The following ERBB4 variants were observed in gnomAD, a reference collection of about 807,000 sequenced individuals.
ERBB4 encodes receptor tyrosine-protein kinase erbB-4.
In ERBB4, 42 loss-of-function variants were observed where a neutral mutation model predicts 158.0. The ratio of observed to expected loss-of-function variants is 0.27; its 90% CI spans 0.21 to 0.34. ERBB4 has a LOEUF of 0.34. Among genes scored for constraint, ERBB4 ranks in the 10% least tolerant of loss-of-function variants. The pLI is 1.00. For synonymous variants in ERBB4, 583 were observed against 558.7 expected, an observed-to-expected ratio of 1.04 and a Z score of -0.61; for missense variants, 1,333 against 1,624.1, an observed-to-expected ratio of 0.82 and a Z score of 3.08.
chr2:212,093,048 T>G (rs1044656221), intron 2 of ERBB4, among the ~76,000 whole-genome samples: 2 of 152,210 alleles, frequency 1.3e-5, no homozygotes, highest in Non-Finnish European at 2.9e-5. Flanking sequence ...CTCAGTTTGC[T>G]TAACTACCAA....
intron 1 of ERBB4, among the ~76,000 whole-genome samples, chr2:212,299,348 G>A (rs1362002213): frequency 6.6e-6 from 1 of 151,586 alleles, no homozygotes; most frequent in African/African-American, 2.4e-5. Context: ...TTTGAAGAAT[G>A]CAATGATTAT....
chr2:211,474,387 A>C (rs771581965), intron 20 of ERBB4, among the ~76,000 whole-genome samples: 2 of 152,082 alleles, frequency 1.3e-5, no homozygotes, highest in Non-Finnish European at 2.9e-5. Context: ...ATTTTATTAG[A>C]ATCACATTAA....
intron 2 of ERBB4, among the ~76,000 whole-genome samples, chr2:212,053,934 T>C (rs528830994): frequency 1.3e-5 from 2 of 152,296 alleles, no homozygotes; most frequent in Admixed American, 1.3e-4. Flanking sequence ...TATAAAATTG[T>C]TTATTAAAAG....
chr2:212,445,574 G>A (rs2105995087), intron 1 of ERBB4, among the ~76,000 whole-genome samples: 1 of 152,298 alleles, frequency 6.6e-6, no homozygotes, highest in South Asian at 2.1e-4. Context: ...CTATCAAGAT[G>A]AAATCAGACT....
chr2:212,113,187 A>C (rs2079467380), intron 2 of ERBB4, among the ~76,000 whole-genome samples: 1 of 152,184 alleles, frequency 6.6e-6, no homozygotes, highest in African/African-American at 2.4e-5. Flanking sequence ...AAGTTAGTAG[A>C]GACTGTATGA....
intron 1 of ERBB4, among the ~76,000 whole-genome samples, chr2:212,499,829 A>G (rs1369693672): frequency 6.6e-6 from 1 of 152,068 alleles, no homozygotes; most frequent in Non-Finnish European, 1.5e-5. Context: ...AAATATTCAG[A>G]GGATAACTGC....
intron 1 of ERBB4, among the ~76,000 whole-genome samples, chr2:212,177,172 T>C (rs2081693583): frequency 6.6e-6 from 1 of 151,818 alleles, no homozygotes; most frequent in Non-Finnish European, 1.5e-5. Context: ...TTAAGAATTA[T>C]AGAATTTTTT....
intron 5 of ERBB4, among the ~76,000 whole-genome samples, chr2:211,736,647 G>A (rs2074611377): frequency 6.6e-6 from 1 of 152,098 alleles, no homozygotes; most frequent in Non-Finnish European, 1.5e-5. Context: ...GATTCTAGAG[G>A]ATATGGAAAA....
chr2:211,669,202 G>A (rs1443558358), intron 14 of ERBB4, among the ~76,000 whole-genome samples: 3 of 116,382 alleles, frequency 2.6e-5, no homozygotes, highest in South Asian at 2.8e-4. Context: ...CAGTCTGGGC[G>A]ACAGAGTGAG....
At chr2:212,427,094 A>G (rs1236986280) in intron 1 of ERBB4, among the ~76,000 whole-genome samples, 1 of 152,146 alleles carries the variant, frequency 6.6e-6, no homozygotes, top group African/African-American at 2.4e-5. Context: ...TTTCTAATGC[A>G]GTAGTCCAAC....
chr2:211,907,648 T>C (rs1412990169), intron 3 of ERBB4, among the ~76,000 whole-genome samples: 1 of 151,636 alleles, frequency 6.6e-6, no homozygotes, highest in Non-Finnish European at 1.5e-5. Context: ...TGAGCTTCAC[T>C]CTATCACAGT....
chr2:212,177,963 T>TGA (rs1332345187), intron 1 of ERBB4, among the ~76,000 whole-genome samples: 5 of 132,114 alleles, frequency 3.8e-5, no homozygotes, highest in South Asian at 3.0e-4. Context: ...AGTGTGAGTG[T>TGA]GTGTGTGTGT....
rs10556403 is a variant in ERBB4 at position 212,510,205 on chromosome 2, G to GTATATATATATA, written c.82+28232_82+28243dup. Among the ~76,000 whole-genome samples the GTATATATATATA allele has an allele frequency of 6.0e-3, 786 of 130,382 alleles. 12 individuals are homozygous for GTATATATATATA. Among genetic ancestry groups the GTATATATATATA allele is most frequent in the Admixed American group, 0.017 (210 of 12,664 alleles). The allele number at this position is 130,382 out of a possible 152,430, so 85.5% of individuals were successfully genotyped here. On this transcript the variant is annotated intron_variant, in intron 1 of 27. Coordinates refer to ENST00000342788, the MANE Select transcript of ERBB4 (RefSeq NM_005235.3). ...AAACACCTTCCATCCTAACCACACA[G>GTATATATATATA]TATATATATATATATATATATATAT...
intron 25 of ERBB4, among the ~76,000 whole-genome samples, chr2:211,396,033 T>A (rs1284705572): frequency 6.6e-6 from 1 of 151,946 alleles, no homozygotes; most frequent in Non-Finnish European, 1.5e-5. Flanking sequence ...AAAAAGACTA[T>A]AAACACTTTG....
chr2:211,835,579 A>ATT lies in ERBB4; in HGVS notation c.422-47421_422-47420insAA, dbSNP rs1487237743. ...ATCAATATGAAGTCACATTCAGTAAATAGAGTCATGGTTAATTTGAAGCAG... is the reference window on the plus strand; with the variant it reads ...ATCAATATGAAGTCACATTCAGTAAATTTAGAGTCATGGTTAATTTGAAGCAG... On this transcript the variant is annotated intron_variant, in intron 3 of 27. Transcript: ENST00000342788. Among the ~76,000 whole-genome samples the ATT allele has an allele frequency of 1.0e-3, 155 of 152,212 alleles. 1 individual carries two copies. Among genetic ancestry groups the ATT allele is most frequent in the African/African-American group, 3.7e-3 (154 of 41,552 alleles).
intron 1 of ERBB4, among the ~76,000 whole-genome samples, chr2:212,180,229 ATTTATTC>A (rs1373700140): frequency 6.6e-6 from 1 of 151,712 alleles, no homozygotes; most frequent in Non-Finnish European, 1.5e-5. Context: ...CTGCTGTTTT[ATTTATTC>A]TTGCCCAACT....
At chr2:212,209,556 T>C (rs994601175) in intron 1 of ERBB4, among the ~76,000 whole-genome samples, 13 of 152,054 alleles carry the variant, frequency 8.5e-5, no homozygotes, top group African/African-American at 3.1e-4. Context: ...TGTGACTACT[T>C]GGGCTAAAAT....
At chr2:211,962,517 A>AT (rs1479104645) in intron 2 of ERBB4, among the ~76,000 whole-genome samples, 4 of 152,138 alleles carry the variant, frequency 2.6e-5, no homozygotes, top group African/African-American at 7.2e-5. Flanking sequence ...GGAGTCTATA[A>AT]TTTTACACCA....
chr2:211,771,720 A>ATG (rs2075696657), intron 4 of ERBB4, among the ~76,000 whole-genome samples: 1 of 151,782 alleles, frequency 6.6e-6, no homozygotes, highest in Admixed American at 6.6e-5. Context: ...GTGTGTGTGT[A>ATG]TGTGTGTGTG....
Sources: allele counts gnomAD v4.1 joint callset (sites outside exome capture counted in the v4.1 genomes callset), GRCh38; gene constraint gnomAD v4.1.1; transcripts MANE v1.5; gene names NCBI Gene and HGNC (gene_info 2026-07-23, HGNC 2026-07-21).